Variants in FANK1 observed in about 807,000 individuals in gnomAD.
FANK1 encodes the protein fibronectin type III and ankyrin repeat domains 1, also known as fibronectin type 3 and ankyrin repeat domains protein 1.
A neutral mutation model predicts 45.3 loss-of-function variants in FANK1; 44 were observed. That is an observed-to-expected ratio of 0.97 (90% CI 0.76 to 1.25). The LOEUF is 1.25. FANK1 is among the 50% of genes most tolerant of loss of function. The probability of loss-of-function intolerance (pLI) is 0.00; values close to 1 mark genes in which losing one functional copy is unlikely to be tolerated. For synonymous variants in FANK1, 149 were observed against 152.5 expected (o/e 0.98, Z 0.17); for missense variants, 391 against 424.4 (o/e 0.92, Z 0.69).
intron 1 of FANK1, among the ~76,000 whole-genome samples, chr10:125,978,196 C>T (rs1950969922): frequency 6.6e-6 from 1 of 152,204 alleles, no homozygotes; most frequent in South Asian, 2.1e-4. Context: ...GTCCCTCCCT[C>T]TGGGAGCTTC....
At chr10:126,000,843 C>T (rs1952703963) in intron 6 of FANK1, among the ~76,000 whole-genome samples, 1 of 152,076 alleles carries the variant, frequency 6.6e-6, no homozygotes, top group South Asian at 2.1e-4. Context: ...TCCAAAAAAG[C>T]CTCCACACAC....
At chr10:125,903,984 G>GGACCACAGAATGTGATCCCACAGCTGT (rs1471108885) in intron 1 of FANK1, among the ~76,000 whole-genome samples, 3 of 152,068 alleles carry the variant, frequency 2.0e-5, no homozygotes, top group South Asian at 2.1e-4. Flanking sequence ...CGCGTAGCTG[G>GGACCACAGAATGTGATCCCACAGCTGT]GACCACAGAA....
At chr10:125,947,029 G>A (rs1275709400) in intron 1 of FANK1, among the ~76,000 whole-genome samples, 2 of 138,306 alleles carry the variant, frequency 1.4e-5, no homozygotes, top group African/African-American at 5.5e-5. Flanking sequence ...CATAAGTGAA[G>A]GAGAAATAAA....
intron 1 of FANK1, among the ~76,000 whole-genome samples, chr10:125,963,543 C>A (rs554814584): frequency 1.3e-5 from 2 of 152,278 alleles, no homozygotes; most frequent in African/African-American, 4.8e-5. Flanking sequence ...CACATATACA[C>A]CATGGAATAC....
At chr10:125,905,405 A>G (rs532307670) in intron 1 of FANK1, among the ~76,000 whole-genome samples, 38 of 151,492 alleles carry the variant, frequency 2.5e-4, no homozygotes, top group Middle Eastern at 7.0e-3. Flanking sequence ...TTTGTGGGAA[A>G]GTTTTAAATT....
chr10:125,984,502 A>AT (rs1284175711), intron 2 of FANK1, among the ~76,000 whole-genome samples: 1 of 152,150 alleles, frequency 6.6e-6, no homozygotes, highest in Non-Finnish European at 1.5e-5. Flanking sequence ...AGCAACTGTA[A>AT]TAACAGAGAT....
intron 1 of FANK1, among the ~76,000 whole-genome samples, chr10:125,964,808 A>G (rs576922542): frequency 2.0e-5 from 3 of 152,308 alleles, no homozygotes; most frequent in African/African-American, 7.2e-5. Context: ...CTTGTTTTCC[A>G]AAGAGATTTC....
intron 1 of FANK1, among the ~76,000 whole-genome samples, chr10:125,963,494 C>T (rs764303275): frequency 6.6e-6 from 1 of 152,168 alleles, no homozygotes; most frequent in Admixed American, 6.5e-5. Flanking sequence ...TTGGAACCAA[C>T]CTAAATGTCC....
At chr10:125,929,293 C>T (rs1947591357) in intron 1 of FANK1, among the ~76,000 whole-genome samples, 1 of 151,918 alleles carries the variant, frequency 6.6e-6, no homozygotes, top group South Asian at 2.1e-4. Context: ...CAGGTAGCAG[C>T]CTTCAGAATA....
At chr10:125,917,571 G>T (rs1449925032) in intron 1 of FANK1, among the ~76,000 whole-genome samples, 1 of 152,052 alleles carries the variant, frequency 6.6e-6, no homozygotes, top group Non-Finnish European at 1.5e-5. Flanking sequence ...CCTTACAAAG[G>T]TTCCTAGTTA....
Position 125,976,170 on chromosome 10 carries a change from G to A in FANK1, c.14-3991G>A, listed in dbSNP as rs1215292267. Among the ~76,000 whole-genome samples the A allele has an allele frequency of 1.3e-5, 2 of 149,698 alleles. 1 individual carries two copies. Among genetic ancestry groups the A allele is most frequent in the Non-Finnish European group, 3.0e-5 (2 of 67,558 alleles). On this transcript the variant is annotated intron_variant, in intron 1 of 10. Transcript: ENST00000368693. The stretch of plus-strand genomic sequence containing the variant: ...TGAATATAGGCCTCTAATCTCTTCT[G>A]GCTTGTAGGGTTTCACTGTTAGCCT...
intron 1 of FANK1, among the ~76,000 whole-genome samples, chr10:125,967,964 G>T (rs1371458867): frequency 6.6e-6 from 1 of 151,984 alleles, no homozygotes; most frequent in African/African-American, 2.4e-5. Context: ...ACAGTGTAAT[G>T]CTCAATCTAA....
At chr10:125,938,767 C>A (rs1288929707) in intron 1 of FANK1, among the ~76,000 whole-genome samples, 1 of 152,130 alleles carries the variant, frequency 6.6e-6, no homozygotes, top group African/African-American at 2.4e-5. Context: ...CGAGATTGCA[C>A]CACTGCACTC....
chr10:125,980,152 T>G lies in FANK1; in HGVS notation c.14-9T>G, dbSNP rs773564258. On this transcript the variant is annotated splice_polypyrimidine_tract_variant and intron_variant, in intron 1 of 10. Transcript: ENST00000368693. The stretch of plus-strand genomic sequence containing the variant: ...GGGTCCTGAAGTTCGGTGTCATTCT[T>G]TTTTTTAGAAATCATGCCACCCTCA... 14 of 1,606,314 alleles carry G rather than the reference T, an allele frequency of 8.7e-6. No individual in the cohort carries two copies. The highest frequency in any genetic ancestry group is 1.2e-5 in the Non-Finnish European group (14 of 1,177,274).
chr10:125,953,827 CTG>C (rs1215873598), intron 1 of FANK1, among the ~76,000 whole-genome samples: 1 of 152,180 alleles, frequency 6.6e-6, no homozygotes, highest in Non-Finnish European at 1.5e-5. Context: ...GCCTTTGTGT[CTG>C]TGCCTGTAAC....
At chr10:125,946,510 A>G (rs1366764242) in intron 1 of FANK1, among the ~76,000 whole-genome samples, 8 of 152,170 alleles carry the variant, frequency 5.3e-5, no homozygotes, top group East Asian at 3.9e-4. Context: ...GGGTATCAGC[A>G]ATGGAAGATG....
At chr10:125,994,977 G>T in intron 3 of FANK1, 1 of 981,140 alleles carries the variant, frequency 1.0e-6, no homozygotes, top group Non-Finnish European at 1.2e-6. Flanking sequence ...CACATTCCTG[G>T]GAAGAACTGA....
At chr10:125,968,025 G>A (rs1950282543) in intron 1 of FANK1, among the ~76,000 whole-genome samples, 1 of 151,082 alleles carries the variant, frequency 6.6e-6, no homozygotes, top group East Asian at 2.0e-4. Flanking sequence ...ACCATTACAT[G>A]TTTTTCATAT....
intron 1 of FANK1, among the ~76,000 whole-genome samples, chr10:125,960,786 C>G (rs896990012): frequency 1.3e-5 from 2 of 152,218 alleles, no homozygotes; most frequent in Non-Finnish European, 2.9e-5. Context: ...CTGCCCGCCT[C>G]GGCCTCCCAA....
Sources: allele counts gnomAD v4.1 joint callset (sites outside exome capture counted in the v4.1 genomes callset), GRCh38; gene constraint gnomAD v4.1.1; transcripts MANE v1.5; gene names NCBI Gene and HGNC (gene_info 2026-07-23, HGNC 2026-07-21).